The following FREM1 variants were observed in gnomAD, a reference collection of about 807,000 sequenced individuals.
FREM1 encodes the protein FRAS1 related extracellular matrix 1, also known as FRAS1-related extracellular matrix protein 1.
A neutral mutation model predicts 210.1 loss-of-function variants in FREM1; 220 were observed. That is an observed-to-expected ratio of 1.05 (90% CI 0.94 to 1.17). The LOEUF (loss-of-function observed/expected upper bound fraction) is 1.17, where lower values mean the gene tolerates loss of function less well. FREM1 is among the 50% of genes most tolerant of loss of function. FREM1 has a pLI of 0.00. For missense variants in FREM1, 3,454 were observed against 2,675.5 expected (o/e 1.29, Z -6.42); for synonymous variants, 1,189 against 980.2 (o/e 1.21, Z -3.98).
chr9:14,832,151 A>G (rs1823685692), intron 10 of FREM1, among the ~76,000 whole-genome samples: 1 of 152,210 alleles, frequency 6.6e-6, no homozygotes, highest in Non-Finnish European at 1.5e-5. Flanking sequence ...CATATTGGGC[A>G]GGCCCAGGGA....
chr9:14,888,347 C>T (rs1010598044), intron 1 of FREM1, among the ~76,000 whole-genome samples: 1 of 152,188 alleles, frequency 6.6e-6, no homozygotes, highest in Non-Finnish European at 1.5e-5. Context: ...ATATACACTG[C>T]TTCACATCAC....
chr9:14,865,991 A>G (rs1444099163), intron 2 of FREM1, among the ~76,000 whole-genome samples: 2 of 152,200 alleles, frequency 1.3e-5, no homozygotes, highest in Non-Finnish European at 2.9e-5. Context: ...CAGAATAAAT[A>G]TTAGAAGATA....
intron 21 of FREM1, among the ~76,000 whole-genome samples, chr9:14,793,604 C>T (rs1275225054): frequency 2.0e-5 from 3 of 152,284 alleles, no homozygotes; most frequent in African/African-American, 7.2e-5. Context: ...TCCCTGGTCT[C>T]GCCAAAGTGA....
rs561114609 is a variant in FREM1 at position 14,795,694 on chromosome 9, G to C, written c.3839+1804C>G. Among the ~76,000 whole-genome samples the C allele has an allele frequency of 2.1e-4, 32 of 152,182 alleles. 1 individual carries two copies. The highest frequency in any genetic ancestry group is 3.4e-4 in the Non-Finnish European group (23 of 68,038). On this transcript the variant is annotated intron_variant, in intron 21 of 36. Coordinates refer to ENST00000380880, the MANE Select transcript of FREM1 (RefSeq NM_001379081.2). ...TTTGGAGTCAAATGGAGTTGAGTGG[G>C]TGCCTAGTGTAAGCTCTTTTACCTC... is the stretch of plus-strand genomic sequence containing the variant.
intron 29 of FREM1, among the ~76,000 whole-genome samples, chr9:14,752,190 C>T (rs149411025): frequency 6.6e-6 from 1 of 151,794 alleles, no homozygotes; most frequent in African/African-American, 2.4e-5. Context: ...GAAGCAAAAC[C>T]AGAAAAGTCA....
At chr9:14,767,908 A>C (rs1162377392) in intron 27 of FREM1, among the ~76,000 whole-genome samples, 1 of 152,202 alleles carries the variant, frequency 6.6e-6, no homozygotes, top group Admixed American at 6.6e-5. Flanking sequence ...AAATTACGTC[A>C]AGTTGAACTG....
chr9:14,807,893 G>T, intron 17 of FREM1, 47 bp downstream of exon 17: 1 of 1,296,748 alleles, frequency 7.7e-7, no homozygotes, highest in South Asian at 1.3e-5. Flanking sequence ...CCACAGGTAT[G>T]ACACTAGGTC....
chr9:14,876,484 G>T (rs554569313), intron 1 of FREM1, among the ~76,000 whole-genome samples: 4 of 152,312 alleles, frequency 2.6e-5, no homozygotes, highest in South Asian at 2.1e-4. Context: ...CTCTGAGCCA[G>T]GTGCAGGATA....
chr9:14,852,699 G>C (rs1472947696), intron 5 of FREM1, among the ~76,000 whole-genome samples: 2 of 152,230 alleles, frequency 1.3e-5, no homozygotes, highest in Non-Finnish European at 2.9e-5. Flanking sequence ...GTAAAGAAAA[G>C]AAAAGAATCC....
chr9:14,808,249 G>T, intron 16 of FREM1, 115 bp from the exon 17 acceptor site: 1 of 611,478 alleles, frequency 1.6e-6, no homozygotes, highest in Non-Finnish European at 2.6e-6. Context: ...GAAGTTATGT[G>T]GATAAAATAA....
At chr9:14,875,971 C>T (rs1833639008) in intron 1 of FREM1, among the ~76,000 whole-genome samples, 1 of 152,174 alleles carries the variant, frequency 6.6e-6, no homozygotes, top group African/African-American at 2.4e-5. Flanking sequence ...GTATCCACAG[C>T]AGTGGCTGCA....
Position 14,738,668 on chromosome 9 carries a change from A to G in FREM1, c.6341-1073T>C, listed in dbSNP as rs544935217. Among the ~76,000 whole-genome samples, 6 of 152,304 alleles carry G rather than the reference A, an allele frequency of 3.9e-5. No individual in the cohort carries two copies. In the South Asian group the frequency reaches 1.2e-3, roughly 32 times the overall value. Reference sequence around the variant, plus strand: ...GCCTTTAAAGAGAAGTAGTGGGGATACTGACTTTGATGCGCCCTGAAAATT... The same window carrying G: ...GCCTTTAAAGAGAAGTAGTGGGGATGCTGACTTTGATGCGCCCTGAAAATT... On this transcript the variant is annotated intron_variant, in intron 36 of 36. Coordinates refer to ENST00000380880, the MANE Select transcript of FREM1 (RefSeq NM_001379081.2).
intron 29 of FREM1, among the ~76,000 whole-genome samples, chr9:14,753,291 T>C (rs780290161): frequency 3.5e-4 from 54 of 152,336 alleles, no homozygotes; most frequent in African/African-American, 1.3e-3. Flanking sequence ...TTGAAAGACA[T>C]TTTCTCAATA....
At chr9:14,738,485 G>C (rs545524494) in intron 36 of FREM1, among the ~76,000 whole-genome samples, 1 of 152,260 alleles carries the variant, frequency 6.6e-6, no homozygotes, top group Non-Finnish European at 1.5e-5. Flanking sequence ...ATATTGTGAG[G>C]ACAGAGCCTT....
Position 14,797,636 on chromosome 9 carries a change from C to G in FREM1, c.3701G>C (p.Arg1234Thr). The G allele has an allele frequency of 6.2e-7, 1 of 1,610,166 alleles. No individual in the cohort carries two copies. Among genetic ancestry groups the G allele is most frequent in the South Asian group, 1.1e-5 (1 of 90,328 alleles). ...FSMELLKTGMRLTYMHDDSES... is the reference protein window; with the variant it reads ...FSMELLKTGMTLTYMHDDSES... The stretch of plus-strand genomic sequence containing the variant: ...TGAGTCATCATGCATGTACGTCAAC[C>G]TCATTCCTGGAAGAAGGAAAAAAAA... The change falls in exon 21 of 37, where the codon AGG (arginine) becomes ACG (threonine). Residue 1234 changes from arginine (R) to threonine (T), a missense_variant. Transcript: ENST00000380880.
rs79713458 is a variant in FREM1, at chr9:14,853,872, G to A, written c.829-2265C>T. ...GGGTAAATTGTGATTTAGAAGGACTGGTGCTTAATGCTAAGACCAATTGAG... is the reference window on the plus strand; with the variant it reads ...GGGTAAATTGTGATTTAGAAGGACTAGTGCTTAATGCTAAGACCAATTGAG... On this transcript the variant is annotated intron_variant, in intron 5 of 36. Coordinates refer to ENST00000380880, the MANE Select transcript of FREM1 (RefSeq NM_001379081.2). Among the ~76,000 whole-genome samples the A allele has an allele frequency of 5.0e-3, 767 of 152,272 alleles. 6 individuals carry two copies. Among genetic ancestry groups the A allele is most frequent in the African/African-American group, 0.017 (721 of 41,552 alleles).
At chr9:14,835,060 G>A (rs1413764939) in intron 10 of FREM1, among the ~76,000 whole-genome samples, 1 of 152,164 alleles carries the variant, frequency 6.6e-6, no homozygotes, top group African/African-American at 2.4e-5. Context: ...CTGAAATGGA[G>A]GGAGAATCTA....
At chr9:14,780,431 C>CACAAAAAAAAAAAAAAA (rs1346003658) in intron 24 of FREM1, among the ~76,000 whole-genome samples, 1 of 48,798 alleles carries the variant, frequency 2.0e-5, no homozygotes, top group African/African-American at 7.4e-5. Context: ...GCCAGCTCCT[C>CACAAAAAAAAAAAAAAA]AGAAAAAAAA....
rs780914696 is a variant in FREM1 at position 14,812,814 on chromosome 9, G to A, written c.2891C>T (p.Thr964Ile). The change falls in exon 16 of 37, where the codon ACA becomes ATA. Residue 964 changes from threonine (T) to isoleucine (I), a missense_variant and splice_region_variant. Transcript: ENST00000380880. Reference protein sequence around the residue: ...VISEAVTYKHTGGEIGLMPCF... With the variant: ...VISEAVTYKHIGGEIGLMPCF... ...CTGGTCACCATGCTGCTGCTTACCTGTGTGTTTGTATGTCACGGCCTCTGA... is the reference window on the plus strand; with the variant it reads ...CTGGTCACCATGCTGCTGCTTACCTATGTGTTTGTATGTCACGGCCTCTGA... 1.9e-6 allele frequency: 3 copies of A among 1,604,908 alleles called. No individual in the cohort carries two copies. Among genetic ancestry groups the A allele is most frequent in the Middle Eastern group, 1.7e-4 (1 of 5,930 alleles).
Sources: gnomAD v4.1 joint callset for allele counts (sites outside exome capture counted in the v4.1 genomes callset) on GRCh38, gnomAD v4.1.1 for gene constraint, MANE v1.5 for transcripts, NCBI Gene and HGNC (gene_info 2026-07-23, HGNC 2026-07-21) for gene names.